Variants in LHX4 observed in about 807,000 individuals in gnomAD.
The protein encoded by LHX4 is LIM homeobox 4.
A neutral mutation model predicts 39.2 loss-of-function variants in LHX4; 16 were observed. The observed-to-expected ratio is 0.41, with a 90% confidence interval of 0.28 to 0.62. The LOEUF (loss-of-function observed/expected upper bound fraction) is 0.62. Ranked by LOEUF, LHX4 falls within the 20% of genes least tolerant of loss-of-function variation. The pLI, the probability that LHX4 is intolerant of heterozygous loss-of-function variation, is 0.33. For missense variants in LHX4, 439 were observed against 511.9 expected, an observed-to-expected ratio of 0.86 and a Z score of 1.37; for synonymous variants, 206 against 198.1, an observed-to-expected ratio of 1.04 and a Z score of -0.33.
intron 1 of LHX4, among the ~76,000 whole-genome samples, chr1:180,243,482 G>C (rs1413081570): frequency 6.6e-6 from 1 of 152,058 alleles, no homozygotes; most frequent in Admixed American, 6.5e-5. Flanking sequence ...TTTATTACAG[G>C]TTTAATTAAG....
At chr1:180,253,817 T>C (rs1647729592) in intron 2 of LHX4, among the ~76,000 whole-genome samples, 2 of 152,196 alleles carry the variant, frequency 1.3e-5, no homozygotes, top group South Asian at 4.1e-4. Flanking sequence ...GGGCGGGGCC[T>C]GCGCTGGCTT....
At chr1:180,233,980 C>T (rs1664242350) in intron 1 of LHX4, among the ~76,000 whole-genome samples, 1 of 151,224 alleles carries the variant, frequency 6.6e-6, no homozygotes, top group African/African-American at 2.4e-5. Context: ...AATGTCCCAG[C>T]GCAGGTCGAG....
At chr1:180,263,211 A>C (rs1022704580) in intron 2 of LHX4, among the ~76,000 whole-genome samples, 3 of 152,170 alleles carry the variant, frequency 2.0e-5, no homozygotes, top group African/African-American at 4.8e-5. Flanking sequence ...TCTGTGTAGC[A>C]GCCGGGTTCA....
intron 2 of LHX4, among the ~76,000 whole-genome samples, chr1:180,260,718 G>T (rs963143739): frequency 2.0e-5 from 3 of 151,834 alleles, no homozygotes; most frequent in Non-Finnish European, 2.9e-5. Flanking sequence ...CCCCAGCACT[G>T]CAGGGCTGGG....
rs984766769 is a variant in LHX4, at chr1:180,275,540, A to G, written c.*961A>G. On this transcript the variant is annotated 3_prime_UTR_variant, in exon 6 of 6. Coordinates refer to ENST00000263726, the MANE Select transcript of LHX4 (RefSeq NM_033343.4). Reference sequence around the variant, plus strand: ...TCTTCCAGAGTTCCCCATCCCTTGTAGGGTGAAATATTTGGAGTCTGTTTT... The same window carrying G: ...TCTTCCAGAGTTCCCCATCCCTTGTGGGGTGAAATATTTGGAGTCTGTTTT... The G allele has an allele frequency of 2.6e-5, 4 of 152,218 alleles. No individual in the cohort carries two copies. The highest frequency in any genetic ancestry group is 6.5e-5 in the Admixed American group (1 of 15,282). 9.4% of individuals were successfully genotyped at this position (152,218 alleles called of 1,614,324 possible).
chr1:180,242,647 G>A (rs1318521089), intron 1 of LHX4, among the ~76,000 whole-genome samples: 2 of 152,194 alleles, frequency 1.3e-5, no homozygotes, highest in Admixed American at 6.5e-5. Context: ...GGCGGGCCTT[G>A]CAGATGGGTA....
intron 1 of LHX4, among the ~76,000 whole-genome samples, chr1:180,231,494 C>G (rs1437682755): frequency 6.6e-6 from 1 of 151,306 alleles, no homozygotes; most frequent in Non-Finnish European, 1.5e-5. Flanking sequence ...CTGTGCTTCA[C>G]TCCTGAGCGA....
At chr1:180,249,869 G>A (rs1213403831) in intron 2 of LHX4, among the ~76,000 whole-genome samples, 1 of 96,538 alleles carries the variant, frequency 1.0e-5, no homozygotes, top group East Asian at 2.5e-4. Context: ...TGCTCCCTAC[G>A]TGTGTGTGCG....
intron 2 of LHX4, among the ~76,000 whole-genome samples, chr1:180,255,677 C>A (rs1015482338): frequency 6.6e-6 from 1 of 152,206 alleles, no homozygotes. Flanking sequence ...CCCCGAAGCT[C>A]CCCCAGGGAC....
intron 2 of LHX4, among the ~76,000 whole-genome samples, chr1:180,255,517 C>T (rs190654585): frequency 3.3e-5 from 5 of 152,368 alleles, no homozygotes; most frequent in East Asian, 3.9e-4. Context: ...CTAATTTCCT[C>T]GCTAAGCAAA....
Position 180,234,191 on chromosome 1 carries a change from AT to A in LHX4, c.76+3587del, listed in dbSNP as rs371380020. 0.11 allele frequency among the ~76,000 whole-genome samples: 9,570 copies of A among 85,086 alleles called. 1,330 individuals carry two copies. The highest frequency in any genetic ancestry group is 0.28 in the East Asian group (844 of 2,984). The allele number at this position is 85,086 out of a possible 152,430, so 55.8% of individuals were successfully genotyped here. A position where few individuals can be genotyped will look rare whatever the true frequency, so the allele number is the denominator to read the frequency against. ...AAATTATATATATATATATATATAT[AT>A]ATATATATATATATATATATATATA... On this transcript the variant is annotated intron_variant, in intron 1 of 5. Transcript: ENST00000263726. The surrounding 1 kb of genome is among the most constrained non-coding windows in gnomAD (Gnocchi z 4.8).
intron 2 of LHX4, among the ~76,000 whole-genome samples, chr1:180,250,339 G>T (rs940858059): frequency 1.9e-5 from 1 of 52,410 alleles, no homozygotes; most frequent in Non-Finnish European, 3.9e-5. Context: ...GTGTGTGTGT[G>T]TGTGTGTGTG....
chr1:180,248,149 T>A (rs1217747525), intron 1 of LHX4, 136 bp from the exon 2 acceptor site: 1 of 798,034 alleles, frequency 1.3e-6, no homozygotes, highest in African/African-American at 1.7e-5. Context: ...CCTGTACAAC[T>A]ATATGCAACA....
intron 2 of LHX4, among the ~76,000 whole-genome samples, chr1:180,250,323 TTGTG>T (rs757617473): frequency 4.9e-4 from 59 of 119,682 alleles, no homozygotes; most frequent in East Asian, 4.4e-3. Context: ...TTCCCTGTGT[TTGTG>T]TGTGTGTGTG....
At chr1:180,242,554 T>C (rs938834821) in intron 1 of LHX4, among the ~76,000 whole-genome samples, 1 of 152,112 alleles carries the variant, frequency 6.6e-6, no homozygotes, top group African/African-American at 2.4e-5. Context: ...TGTGAGGATG[T>C]CTGTATGTGT....
At chr1:180,238,602 G>A (rs1339676087) in intron 1 of LHX4, among the ~76,000 whole-genome samples, 1 of 152,018 alleles carries the variant, frequency 6.6e-6, no homozygotes, top group Admixed American at 6.6e-5. Flanking sequence ...GATGTTCAAT[G>A]TGCCTTTTCT....
chr1:180,231,685 A>G (rs1257373591), intron 1 of LHX4, among the ~76,000 whole-genome samples: 1 of 151,486 alleles, frequency 6.6e-6, no homozygotes, highest in Non-Finnish European at 1.5e-5. Context: ...AAGGGGTTGT[A>G]CTTCCGCCTG....
rs559812806 is a variant in LHX4, at chr1:180,274,675, A to G, written c.*96A>G. On this transcript the variant is annotated 3_prime_UTR_variant, in exon 6 of 6. Transcript: ENST00000263726. Reference sequence around the variant, plus strand: ...CCTTTTAAGGATCGAAAGTACGCCAATGTGAATTTCCATTATTTTCAATGG... The same window carrying G: ...CCTTTTAAGGATCGAAAGTACGCCAGTGTGAATTTCCATTATTTTCAATGG... 14 of 1,369,428 alleles carry G rather than the reference A, an allele frequency of 1.0e-5. No homozygotes were observed. The Admixed American group carries it at 2.5e-4, about 24-fold the overall frequency. 84.8% of individuals were successfully genotyped at this position (1,369,428 alleles called of 1,614,324 possible).
intron 4 of LHX4, 111 bp from the exon 5 acceptor site, chr1:180,271,724 T>C (rs1648673757): frequency 1.5e-6 from 2 of 1,347,520 alleles, no homozygotes; most frequent in East Asian, 4.6e-5. Context: ...CTCCCAGACC[T>C]GTGCTCCATT....
Sources: allele counts gnomAD v4.1 joint callset (sites outside exome capture counted in the v4.1 genomes callset), GRCh38; gene constraint gnomAD v4.1.1; non-coding constraint Gnocchi (gnomAD v3.1); transcripts MANE v1.5; gene names NCBI Gene and HGNC (gene_info 2026-07-23, HGNC 2026-07-21).